Variants in GRIN2A observed in about 807,000 individuals in gnomAD.
GRIN2A encodes glutamate ionotropic receptor NMDA type subunit 2A, also known as glutamate receptor ionotropic, NMDA 2A.
Under a neutral mutation model 113.4 loss-of-function variants are expected in GRIN2A, and 22 were observed. The observed-to-expected ratio is 0.19, with a 90% CI of 0.14 to 0.28. The LOEUF is 0.28. Ranked by LOEUF, GRIN2A falls within the 10% of genes least tolerant of loss-of-function variation. GRIN2A has a pLI of 1.00. For missense variants in GRIN2A, 1,502 were observed against 1,887.0 expected, an observed-to-expected ratio of 0.80 and a Z score of 3.78; for synonymous variants, 827 against 738.4, an observed-to-expected ratio of 1.12 and a Z score of -1.94.
At chr16:9,826,761 C>G (rs1487542886) in intron 9 of GRIN2A, among the ~76,000 whole-genome samples, 2 of 152,156 alleles carry the variant, frequency 1.3e-5, no homozygotes, top group African/African-American at 4.8e-5. Flanking sequence ...AGCTTTGTCT[C>G]TTGAGGATAT....
intron 7 of GRIN2A, among the ~76,000 whole-genome samples, chr16:9,840,301 C>T (rs576274997): frequency 2.3e-4 from 35 of 152,014 alleles, no homozygotes; most frequent in Admixed American, 9.8e-4. Context: ...CTTATTAAAC[C>T]CCTTATAATA....
intron 2 of GRIN2A, among the ~76,000 whole-genome samples, chr16:9,963,543 T>C (rs1352395001): frequency 6.6e-6 from 1 of 152,120 alleles, no homozygotes; most frequent in Non-Finnish European, 1.5e-5. Flanking sequence ...TAAACAATTT[T>C]TTAAAAAATG....
chr16:9,918,115 G>C (rs1270028742), intron 3 of GRIN2A, among the ~76,000 whole-genome samples: 1 of 152,164 alleles, frequency 6.6e-6, no homozygotes, highest in Non-Finnish European at 1.5e-5. Context: ...CACTGTGAGT[G>C]GGGACCAGCA....
chr16:9,878,932 T>G (rs774087689), intron 4 of GRIN2A, among the ~76,000 whole-genome samples: 2 of 152,026 alleles, frequency 1.3e-5, no homozygotes, highest in South Asian at 4.2e-4. Flanking sequence ...CTTATTTCAG[T>G]TGAATGTGTT....
chr16:10,150,220 G>C (rs909955547), intron 2 of GRIN2A, among the ~76,000 whole-genome samples: 1 of 152,172 alleles, frequency 6.6e-6, no homozygotes, highest in African/African-American at 2.4e-5. Flanking sequence ...TAAAGAGGCA[G>C]CTTTTCGCTA....
chr16:9,933,203 G>A (rs1030646046), intron 3 of GRIN2A, among the ~76,000 whole-genome samples: 1 of 152,114 alleles, frequency 6.6e-6, no homozygotes, highest in Non-Finnish European at 1.5e-5. Flanking sequence ...TGAAGAAAAT[G>A]TCCCCCTTTC....
At chr16:9,872,946 G>A (rs2043296048) in intron 4 of GRIN2A, among the ~76,000 whole-genome samples, 1 of 152,164 alleles carries the variant, frequency 6.6e-6, no homozygotes, top group Non-Finnish European at 1.5e-5. Context: ...TTGTGGGGCT[G>A]AGGTGGGAAG....
Position 9,998,568 on chromosome 16 carries a change from G to A in GRIN2A, c.415-60017C>T, listed in dbSNP as rs77307321. Among the ~76,000 whole-genome samples, 553 of 152,278 alleles carry A rather than the reference G, an allele frequency of 3.6e-3. 7 individuals carry two copies. Among genetic ancestry groups the A allele is most frequent in the African/African-American group, 0.012 (517 of 41,556 alleles). On this transcript the variant is annotated intron_variant, in intron 2 of 12. Coordinates refer to ENST00000330684, the MANE Select transcript of GRIN2A (RefSeq NM_001134407.3). ...AACTCTATGTTATGGGCACTTTACTGCAATAAAAAACATAGAACTGCCAGA... is the reference window on the plus strand; with the variant it reads ...AACTCTATGTTATGGGCACTTTACTACAATAAAAAACATAGAACTGCCAGA...
Position 9,754,111 on chromosome 16 carries a change from C to G in GRIN2A, c.*9038G>C, listed in dbSNP as rs942641728. The G allele has an allele frequency of 5.4e-6, 1 of 185,272 alleles. No homozygotes were observed. The highest frequency in any genetic ancestry group is 2.3e-5 in the African/African-American group (1 of 42,670). 11.5% of individuals were successfully genotyped at this position (185,272 alleles called of 1,614,324 possible). ...ATGATCTAATTCTTATTCAAGCTAC[C>G]AAGAAACTCACCTTATTCTTTCTGA... is the stretch of plus-strand genomic sequence containing the variant. On this transcript the variant is annotated 3_prime_UTR_variant, in exon 13 of 13. Coordinates refer to ENST00000330684, the MANE Select transcript of GRIN2A (RefSeq NM_001134407.3).
At chr16:10,072,944 C>T (rs934996376) in intron 2 of GRIN2A, among the ~76,000 whole-genome samples, 56 of 101,104 alleles carry the variant, frequency 5.5e-4, no homozygotes, top group African/African-American at 1.9e-3. Flanking sequence ...TGACAAGACC[C>T]CCTTTTTTTT....
At chr16:10,122,911 G>A (rs1015025261) in intron 2 of GRIN2A, among the ~76,000 whole-genome samples, 3 of 152,082 alleles carry the variant, frequency 2.0e-5, no homozygotes, top group Admixed American at 6.6e-5. Context: ...GGTCCCTGGG[G>A]CATTTATAAG....
chr16:9,785,061 C>G (rs898620186), intron 11 of GRIN2A, among the ~76,000 whole-genome samples: 1 of 152,170 alleles, frequency 6.6e-6, no homozygotes, highest in Non-Finnish European at 1.5e-5. Context: ...ACTAGAAATA[C>G]CATTTGAGCC....
At chr16:10,127,975 G>C (rs1325195637) in intron 2 of GRIN2A, among the ~76,000 whole-genome samples, 1 of 152,124 alleles carries the variant, frequency 6.6e-6, no homozygotes, top group African/African-American at 2.4e-5. Flanking sequence ...GAATCACATA[G>C]CATGAGCTCA....
intron 2 of GRIN2A, among the ~76,000 whole-genome samples, chr16:9,993,366 A>G (rs2046161703): frequency 6.6e-6 from 1 of 152,108 alleles, no homozygotes; most frequent in Non-Finnish European, 1.5e-5. Flanking sequence ...TCTAGGCAAC[A>G]TAGTGAAACC....
chr16:9,814,862 A>T (rs758393172), intron 10 of GRIN2A, among the ~76,000 whole-genome samples: 1 of 152,082 alleles, frequency 6.6e-6, no homozygotes, highest in African/African-American at 2.4e-5. Flanking sequence ...TCTACTAAAA[A>T]ATACAAAATT....
intron 9 of GRIN2A, among the ~76,000 whole-genome samples, chr16:9,825,114 A>G (rs370492154): frequency 1.8e-4 from 28 of 152,322 alleles, no homozygotes; most frequent in African/African-American, 5.5e-4. Context: ...GCTTCTCTGC[A>G]GGGTTCCCTT....
intron 10 of GRIN2A, among the ~76,000 whole-genome samples, chr16:9,802,988 T>C (rs1903458045): frequency 6.6e-6 from 1 of 150,464 alleles, no homozygotes. Flanking sequence ...CCGTTTTCTA[T>C]TGGAAAAAAT....
chr16:10,056,318 A>G (rs1439354535), intron 2 of GRIN2A, among the ~76,000 whole-genome samples: 1 of 151,956 alleles, frequency 6.6e-6, no homozygotes, highest in African/African-American at 2.4e-5. Context: ...TCAACCCTAC[A>G]TCTTTCCACT....
chr16:9,950,019 A>T (rs767490220), intron 2 of GRIN2A, among the ~76,000 whole-genome samples: 1 of 152,162 alleles, frequency 6.6e-6, no homozygotes, highest in Non-Finnish European at 1.5e-5. Flanking sequence ...GAAGGCAGGA[A>T]AGTAATAAAC....
Sources: gnomAD v4.1 joint callset for allele counts (sites outside exome capture counted in the v4.1 genomes callset) on GRCh38, gnomAD v4.1.1 for gene constraint, MANE v1.5 for transcripts, NCBI Gene and HGNC (gene_info 2026-07-23, HGNC 2026-07-21) for gene names.